Variants in SEMA5A observed in about 807,000 individuals in gnomAD.
The protein encoded by SEMA5A is semaphorin-5A.
A neutral mutation model predicts 135.5 loss-of-function variants in SEMA5A; 55 were observed. The observed-to-expected ratio is 0.41, with a 90% CI of 0.33 to 0.51. The LOEUF (loss-of-function observed/expected upper bound fraction) is 0.51. SEMA5A is among the 20% of genes least tolerant of loss of function. SEMA5A has a pLI of 0.37. For missense variants in SEMA5A, 1,290 were observed against 1,419.9 expected (o/e 0.91, Z 1.47); for synonymous variants, 580 against 546.5 (o/e 1.06, Z -0.85).
At chr5:9,400,618 C>T (rs1209593) in intron 2 of SEMA5A, among the ~76,000 whole-genome samples, 1 of 74,008 alleles carries the variant, frequency 1.4e-5, no homozygotes. Context: ...GCCATTCTCC[C>T]GCCTCAGCCT....
At chr5:9,426,163 C>T (rs1054921553) in intron 2 of SEMA5A, among the ~76,000 whole-genome samples, 5 of 152,172 alleles carry the variant, frequency 3.3e-5, no homozygotes, top group South Asian at 2.1e-4. Flanking sequence ...TGTGGCCGGG[C>T]GCAGTGGCTC....
chr5:9,228,923 A>G (rs1256217751), intron 6 of SEMA5A, among the ~76,000 whole-genome samples: 1 of 152,220 alleles, frequency 6.6e-6, no homozygotes, highest in Non-Finnish European at 1.5e-5. Context: ...TCTACTGCAT[A>G]GCATCGAGAC....
chr5:9,400,454 A>T (rs1194571904), intron 2 of SEMA5A, among the ~76,000 whole-genome samples: 1 of 152,170 alleles, frequency 6.6e-6, no homozygotes, highest in Non-Finnish European at 1.5e-5. Context: ...GATCTAAAAA[A>T]AAATGTAAAA....
chr5:9,533,727 A>G (rs565707075), intron 1 of SEMA5A, among the ~76,000 whole-genome samples: 1 of 152,354 alleles, frequency 6.6e-6, no homozygotes, highest in Admixed American at 6.5e-5. Flanking sequence ...ATGTCTTTAT[A>G]CAAATTCCTT....
At chr5:9,295,663 C>A (rs975398695) in intron 5 of SEMA5A, among the ~76,000 whole-genome samples, 1 of 152,078 alleles carries the variant, frequency 6.6e-6, no homozygotes, top group African/African-American at 2.4e-5. Flanking sequence ...GCTGCAGATA[C>A]TTGATGCTGA....
chr5:9,502,176 A>G (rs1735631826), intron 1 of SEMA5A, among the ~76,000 whole-genome samples: 1 of 152,210 alleles, frequency 6.6e-6, no homozygotes, highest in African/African-American at 2.4e-5. Flanking sequence ...AACTGAGGAA[A>G]CACAACACAT....
intron 16 of SEMA5A, among the ~76,000 whole-genome samples, chr5:9,088,357 T>C (rs553925824): frequency 1.6e-4 from 24 of 150,704 alleles, no homozygotes; most frequent in South Asian, 1.3e-3. Flanking sequence ...AATTTCTTAA[T>C]TTTCCTATAA....
chr5:9,119,310 A>G (rs1235700497), intron 14 of SEMA5A, among the ~76,000 whole-genome samples, 169 bp from the exon 15 acceptor site: 1 of 152,226 alleles, frequency 6.6e-6, no homozygotes, highest in African/African-American at 2.4e-5. Context: ...GTGAATCTCA[A>G]TTCCTGTGTC....
intron 15 of SEMA5A, among the ~76,000 whole-genome samples, chr5:9,112,309 A>G (rs1226455862): frequency 6.6e-6 from 1 of 152,252 alleles, no homozygotes; most frequent in Non-Finnish European, 1.5e-5. Context: ...TCTCAGCACT[A>G]TATCATGCAA....
intron 5 of SEMA5A, among the ~76,000 whole-genome samples, chr5:9,296,918 AAAAG>A (rs1751363942): frequency 6.6e-6 from 1 of 151,412 alleles, no homozygotes; most frequent in African/African-American, 2.4e-5. Context: ...AAAAAAAAAA[AAAAG>A]ATATAAAAAC....
chr5:9,377,536 G>C (rs1554027475), intron 3 of SEMA5A, among the ~76,000 whole-genome samples: 1 of 149,874 alleles, frequency 6.7e-6, no homozygotes, highest in Non-Finnish European at 1.5e-5. Flanking sequence ...ATATACGCGA[G>C]GACAAAAAAA....
intron 18 of SEMA5A, among the ~76,000 whole-genome samples, chr5:9,058,040 A>G (rs1305339232): frequency 3.3e-5 from 5 of 152,234 alleles, no homozygotes; most frequent in African/African-American, 1.2e-4. Flanking sequence ...TTGCAGGGCC[A>G]AGAAAACAAA....
At chr5:9,300,092 T>C (rs1000927119) in intron 5 of SEMA5A, among the ~76,000 whole-genome samples, 37 of 152,176 alleles carry the variant, frequency 2.4e-4, no homozygotes, top group African/African-American at 8.7e-4. Flanking sequence ...ACTGGCACTA[T>C]CATGGCTCAC....
Position 9,150,172 on chromosome 5 carries a change from G to A in SEMA5A, c.1481+4316C>T, listed in dbSNP as rs563313285. ...CTTTAAAGACCACATGATGCTACTC[G>A]ACCATGAGCCAGGTGCATGGCCTGG... is the stretch of plus-strand genomic sequence containing the variant. On this transcript the variant is annotated intron_variant, in intron 12 of 22. Coordinates refer to ENST00000382496, the MANE Select transcript of SEMA5A (RefSeq NM_003966.3). 1.6e-4 allele frequency among the ~76,000 whole-genome samples: 25 copies of A among 152,136 alleles called. No homozygotes were observed. In the South Asian group the frequency reaches 5.0e-3, roughly 30 times the overall value.
Position 9,074,928 on chromosome 5 carries a change from C to G in SEMA5A, c.2074-8282G>C, listed in dbSNP as rs568227823. Among the ~76,000 whole-genome samples the G allele has an allele frequency of 9.7e-4, 148 of 152,176 alleles. 1 individual carries two copies. The highest frequency in any genetic ancestry group is 4.4e-4 in the Non-Finnish European group (30 of 68,002). ...CTGGTGCATGTATTTGGATCTGGTCCATAGAACGGAAAAAGACTCAATTTT... is the reference window on the plus strand; with the variant it reads ...CTGGTGCATGTATTTGGATCTGGTCGATAGAACGGAAAAAGACTCAATTTT... On this transcript the variant is annotated intron_variant, in intron 16 of 22. Coordinates refer to ENST00000382496, the MANE Select transcript of SEMA5A (RefSeq NM_003966.3).
intron 12 of SEMA5A, among the ~76,000 whole-genome samples, chr5:9,137,196 A>C (rs1051495975): frequency 2.6e-5 from 4 of 152,206 alleles, no homozygotes; most frequent in Non-Finnish European, 5.9e-5. Context: ...ATGCAGATAC[A>C]TCCAAAACTC....
chr5:9,529,254 C>G (rs1021436905), intron 1 of SEMA5A, among the ~76,000 whole-genome samples: 1 of 152,232 alleles, frequency 6.6e-6, no homozygotes, highest in Non-Finnish European at 1.5e-5. Flanking sequence ...CCAGCTTTGC[C>G]TCTCACCATT....
chr5:9,063,062 G>T lies in SEMA5A; in HGVS notation c.2343C>A (p.His781Gln). The change falls in exon 18 of 23, where the codon CAC (histidine) becomes CAA (glutamine). Residue 781 changes from histidine (H) to glutamine (Q), a missense_variant. His to Gln is a conservative substitution (Grantham distance 24). This residue lies in a region of SEMA5A where 1,029 missense variants were observed against 1,086.6 expected (regional missense o/e 0.95). Transcript: ENST00000382496. ...AGGCTGACCAAGCCCCGTTGACCGT[G>T]TGGGCAGAGTATCTCCCAGCACGCA... is the stretch of plus-strand genomic sequence containing the variant. ...DFLRAGRYSA[H>Q]TVNGAWSAWT... The T allele has an allele frequency of 1.9e-6, 3 of 1,614,148 alleles. No individual in the cohort carries two copies. Among genetic ancestry groups the T allele is most frequent in the Non-Finnish European group, 2.5e-6 (3 of 1,180,028 alleles).
intron 1 of SEMA5A, among the ~76,000 whole-genome samples, chr5:9,533,866 C>A (rs970503418): frequency 7.9e-5 from 12 of 152,218 alleles, no homozygotes; most frequent in African/African-American, 2.9e-4. Flanking sequence ...TGGCCCCCTT[C>A]CTCATGGGTT....
Sources: allele counts gnomAD v4.1 joint callset (sites outside exome capture counted in the v4.1 genomes callset), GRCh38; gene constraint gnomAD v4.1.1; regional missense constraint gnomAD v4.1.1; transcripts MANE v1.5; gene names NCBI Gene and HGNC (gene_info 2026-07-23, HGNC 2026-07-21).